The following WWOX variants were observed in gnomAD, a reference collection of about 807,000 sequenced individuals.
WWOX encodes WW domain containing oxidoreductase, also known as WW domain-containing oxidoreductase.
Under a neutral mutation model 46.2 loss-of-function variants are expected in WWOX, and 69 were observed. The observed-to-expected ratio is 1.49, with a 90% CI of 1.23 to 1.82. The LOEUF (loss-of-function observed/expected upper bound fraction) is 1.82. Among genes scored for constraint, WWOX ranks in the 40% most tolerant of loss-of-function variants. The pLI, the probability that WWOX is intolerant of heterozygous loss-of-function variation, is 0.00. For missense variants in WWOX, 919 were observed against 542.6 expected (o/e 1.69, Z -6.89); for synonymous variants, 359 against 202.6 (o/e 1.77, Z -6.56).
At chr16:78,449,383 A>G (rs73572884) in intron 8 of WWOX, among the ~76,000 whole-genome samples, 2,728 of 152,244 alleles carry the variant, frequency 0.018, 82 homozygotes, top group African/African-American at 0.061. Context: ...AGGGGAAAGG[A>G]TTTCACAGTG....
At chr16:78,761,023 A>G (rs1392570714) in intron 8 of WWOX, among the ~76,000 whole-genome samples, 3 of 152,112 alleles carry the variant, frequency 2.0e-5, no homozygotes, top group African/African-American at 7.2e-5. Context: ...ACCCTCCCCC[A>G]TGATTCAGTT....
intron 8 of WWOX, among the ~76,000 whole-genome samples, chr16:79,024,753 A>T (rs184117932): frequency 6.6e-6 from 1 of 152,058 alleles, no homozygotes; most frequent in Admixed American, 6.6e-5. Context: ...TAAATTTTTC[A>T]TGGAGACAGG....
chr16:78,147,321 G>A (rs1207474794), intron 4 of WWOX, among the ~76,000 whole-genome samples: 2 of 152,118 alleles, frequency 1.3e-5, no homozygotes, highest in African/African-American at 4.8e-5. Context: ...TAAATGTCCG[G>A]TTTGGAGTTG....
chr16:78,701,547 T>G (rs948194513), intron 8 of WWOX, among the ~76,000 whole-genome samples: 1 of 152,034 alleles, frequency 6.6e-6, no homozygotes, highest in Non-Finnish European at 1.5e-5. Context: ...CTCCCTACTT[T>G]TCTCTTTTTC....
chr16:78,113,974 G>A (rs1198818002), intron 3 of WWOX, among the ~76,000 whole-genome samples: 2 of 129,364 alleles, frequency 1.5e-5, no homozygotes, highest in Non-Finnish European at 1.7e-5. Flanking sequence ...TATATTTAGA[G>A]GCTTCTTAAT....
chr16:78,850,038 C>A (rs2052402440), intron 8 of WWOX, among the ~76,000 whole-genome samples: 1 of 151,774 alleles, frequency 6.6e-6, no homozygotes, highest in Admixed American at 6.6e-5. Context: ...TGCCATTGCA[C>A]TCCAGCCTGG....
intron 8 of WWOX, among the ~76,000 whole-genome samples, chr16:78,830,862 T>C (rs1039769467): frequency 5.9e-5 from 9 of 152,098 alleles, no homozygotes; most frequent in Admixed American, 2.0e-4. Flanking sequence ...TTCTTTCTCC[T>C]ACAGCCCCAT....
chr16:78,409,397 A>G (rs900113960), intron 6 of WWOX, among the ~76,000 whole-genome samples: 7 of 151,980 alleles, frequency 4.6e-5, no homozygotes, highest in Non-Finnish European at 5.9e-5. Flanking sequence ...AGCCCCTGGG[A>G]ACCATTGATC....
In WWOX at chr16:78,861,137, C is replaced by T. The variant is rs933676177; in HGVS notation, c.1057-350471C>T. Among the ~76,000 whole-genome samples, 6 of 152,106 alleles carry T rather than the reference C, an allele frequency of 3.9e-5. No homozygotes were observed. The South Asian group carries it at 1.2e-3, about 32-fold the overall frequency. ...GCACAGCCTCAGAGGTCCTGTCTGCCTGCCTGCCTTTCCTCCCTCTCTCTC... is the reference window on the plus strand; with the variant it reads ...GCACAGCCTCAGAGGTCCTGTCTGCTTGCCTGCCTTTCCTCCCTCTCTCTC... On this transcript the variant is annotated intron_variant, in intron 8 of 8. Coordinates refer to ENST00000566780, the MANE Select transcript of WWOX (RefSeq NM_016373.4).
chr16:78,315,691 G>T (rs2151879215), intron 5 of WWOX, among the ~76,000 whole-genome samples: 1 of 152,188 alleles, frequency 6.6e-6, no homozygotes, highest in Admixed American at 6.5e-5. Flanking sequence ...TTAGAGAGGG[G>T]AAAACAATCA....
At chr16:78,538,807 T>C (rs920731542) in intron 8 of WWOX, among the ~76,000 whole-genome samples, 4 of 152,226 alleles carry the variant, frequency 2.6e-5, no homozygotes, top group South Asian at 2.1e-4. Flanking sequence ...TGGGTGGAAA[T>C]GTATAAAATA....
intron 5 of WWOX, among the ~76,000 whole-genome samples, chr16:78,383,354 A>G (rs1314992552): frequency 6.6e-6 from 1 of 152,142 alleles, no homozygotes; most frequent in Admixed American, 6.6e-5. Flanking sequence ...TCTCTGTACC[A>G]GTTTGGCCAT....
intron 8 of WWOX, among the ~76,000 whole-genome samples, chr16:78,617,443 G>T (rs937767965): frequency 1.3e-5 from 2 of 151,040 alleles, no homozygotes; most frequent in African/African-American, 4.9e-5. Context: ...TGGCTTTGCT[G>T]CTTTGCCTAA....
chr16:78,810,060 T>C (rs562448081), intron 8 of WWOX, among the ~76,000 whole-genome samples: 1 of 152,296 alleles, frequency 6.6e-6, no homozygotes, highest in South Asian at 2.1e-4. Context: ...TTCCTGGTAA[T>C]CCTTCAGCCC....
At chr16:79,164,506 C>T (rs2050552889) in intron 8 of WWOX, among the ~76,000 whole-genome samples, 1 of 152,018 alleles carries the variant, frequency 6.6e-6, no homozygotes, top group South Asian at 2.1e-4. Context: ...GGGGGGAGGC[C>T]ACCAGGCATC....
intron 8 of WWOX, among the ~76,000 whole-genome samples, chr16:78,521,807 C>T (rs572108906): frequency 6.6e-6 from 1 of 151,488 alleles, no homozygotes; most frequent in East Asian, 1.9e-4. Flanking sequence ...CATAAGAAGC[C>T]CATGTGAAAA....
At chr16:78,708,753 A>T (rs1361460182) in intron 8 of WWOX, among the ~76,000 whole-genome samples, 2 of 152,186 alleles carry the variant, frequency 1.3e-5, no homozygotes, top group Non-Finnish European at 2.9e-5. Context: ...TTAAAAAGAT[A>T]CATGACGTTG....
intron 8 of WWOX, among the ~76,000 whole-genome samples, chr16:79,158,084 G>C (rs939291256): frequency 6.6e-6 from 1 of 152,162 alleles, no homozygotes; most frequent in African/African-American, 2.4e-5. Context: ...GGAGATCCCA[G>C]ATGTCAAAGC....
Position 78,946,706 on chromosome 16 carries a change from C to T in WWOX, c.1057-264902C>T, listed in dbSNP as rs62035968. On this transcript the variant is annotated intron_variant, in intron 8 of 8. Coordinates refer to ENST00000566780, the MANE Select transcript of WWOX (RefSeq NM_016373.4). Reference sequence around the variant, plus strand: ...AGGCCTGGAAAACTGTGTGGTGCGTCTGTTTTTCAGAGCGTTGAGAGTCAT... The same window carrying T: ...AGGCCTGGAAAACTGTGTGGTGCGTTTGTTTTTCAGAGCGTTGAGAGTCAT... 7.9e-3 allele frequency among the ~76,000 whole-genome samples: 1,198 copies of T among 152,204 alleles called. 6 individuals carry two copies. Among genetic ancestry groups the T allele is most frequent in the Non-Finnish European group, 0.013 (860 of 68,016 alleles).
Sources: allele counts gnomAD v4.1 joint callset (sites outside exome capture counted in the v4.1 genomes callset), GRCh38; gene constraint gnomAD v4.1.1; transcripts MANE v1.5; gene names NCBI Gene and HGNC (gene_info 2026-07-23, HGNC 2026-07-21).